AUTS2: variants seen among roughly 807,000 people sequenced by gnomAD.
The protein encoded by AUTS2 is activator of transcription and developmental regulator AUTS2.
Under a neutral mutation model 112.4 loss-of-function variants are expected in AUTS2, and 17 were observed. That is an observed-to-expected ratio of 0.15 (90% CI 0.10 to 0.23). The LOEUF (loss-of-function observed/expected upper bound fraction) is 0.23, where lower values mean the gene tolerates loss of function less well. Among genes scored for constraint, AUTS2 ranks in the 10% least tolerant of loss-of-function variants. The pLI is 1.00. For synonymous variants in AUTS2, 751 were observed against 702.7 expected (o/e 1.07, Z -1.09); for missense variants, 1,510 against 1,701.6 (o/e 0.89, Z 1.98).
At chr7:69,770,719 A>T (rs80012565) in intron 1 of AUTS2, among the ~76,000 whole-genome samples, 1 of 152,292 alleles carries the variant, frequency 6.6e-6, no homozygotes, top group East Asian at 1.9e-4. Flanking sequence ...CTAGAGGACA[A>T]CAGAAGGCTG....
intron 4 of AUTS2, among the ~76,000 whole-genome samples, chr7:70,135,935 C>G (rs549785517): frequency 1.3e-5 from 2 of 152,310 alleles, no homozygotes; most frequent in African/African-American, 4.8e-5. Context: ...TAAAGCCTCC[C>G]CCTTTGCTTT....
At chr7:70,322,731 C>A (rs2129617955) in intron 4 of AUTS2, among the ~76,000 whole-genome samples, 1 of 152,244 alleles carries the variant, frequency 6.6e-6, no homozygotes, top group African/African-American at 2.4e-5. Context: ...AGAGGCAGTC[C>A]AACACAGTGG....
intron 1 of AUTS2, among the ~76,000 whole-genome samples, chr7:69,745,175 C>T (rs1280664279): frequency 3.9e-5 from 6 of 152,302 alleles, no homozygotes; most frequent in South Asian, 2.1e-4. Flanking sequence ...CCTCTCCCTA[C>T]GCCTCGTGTA....
chr7:70,463,601 G>A (rs996282063), intron 5 of AUTS2, among the ~76,000 whole-genome samples: 18 of 152,160 alleles, frequency 1.2e-4, no homozygotes, highest in South Asian at 8.3e-4. Context: ...GACAAGAACC[G>A]CACTTGTCAA....
intron 5 of AUTS2, among the ~76,000 whole-genome samples, chr7:70,589,284 C>G (rs941095933): frequency 6.6e-6 from 1 of 152,170 alleles, no homozygotes; most frequent in South Asian, 2.1e-4. Flanking sequence ...GGGGAACAAA[C>G]GAGAGCCCTC....
At chr7:70,512,545 G>A (rs993904557) in intron 5 of AUTS2, among the ~76,000 whole-genome samples, 4 of 152,114 alleles carry the variant, frequency 2.6e-5, no homozygotes, top group African/African-American at 9.7e-5. Context: ...CCGCTCCTCA[G>A]TAGGAAAACA....
intron 1 of AUTS2, among the ~76,000 whole-genome samples, chr7:69,628,951 G>A (rs1196366841): frequency 1.3e-5 from 2 of 152,166 alleles, no homozygotes; most frequent in African/African-American, 2.4e-5. Flanking sequence ...CAGGATCTAA[G>A]GTCTTTATTG....
chr7:69,681,932 A>G (rs1257377913), intron 1 of AUTS2, among the ~76,000 whole-genome samples: 3 of 152,164 alleles, frequency 2.0e-5, no homozygotes, highest in Admixed American at 6.5e-5. Flanking sequence ...CTGGGTTCAA[A>G]TCCTCCATTT....
chr7:69,878,184 A>G (rs566725536), intron 1 of AUTS2, among the ~76,000 whole-genome samples: 1 of 152,196 alleles, frequency 6.6e-6, no homozygotes, highest in East Asian at 1.9e-4. Context: ...ATATGTGGAC[A>G]TTTCCTGCAT....
Position 69,956,889 on chromosome 7 carries a change from G to A in AUTS2, c.522+57391G>A, listed in dbSNP as rs890020108. Among the ~76,000 whole-genome samples the A allele has an allele frequency of 2.7e-5, 4 of 149,812 alleles. No homozygotes were observed. The South Asian group carries it at 8.6e-4, about 32-fold the overall frequency. ...ATTTTTATTTTTCTTTTGAGACAGGGTCTCATTCCATTGTCCAGGCTGTAA... is the reference window on the plus strand; with the variant it reads ...ATTTTTATTTTTCTTTTGAGACAGGATCTCATTCCATTGTCCAGGCTGTAA... On this transcript the variant is annotated intron_variant, in intron 2 of 18. Transcript: ENST00000342771.
At chr7:70,390,533 C>T (rs1033952006) in intron 4 of AUTS2, among the ~76,000 whole-genome samples, 3 of 151,958 alleles carry the variant, frequency 2.0e-5, no homozygotes, top group African/African-American at 7.2e-5. Flanking sequence ...GAGAATAAAA[C>T]CTGAGGGTGT....
intron 5 of AUTS2, among the ~76,000 whole-genome samples, chr7:70,680,758 A>G (rs1808167031): frequency 6.6e-6 from 1 of 152,222 alleles, no homozygotes; most frequent in Non-Finnish European, 1.5e-5. Context: ...ATAAATTAAA[A>G]GAAAAGCTAC....
rs1374221755 is a variant in AUTS2 at position 70,791,169 on chromosome 7, A to G, written c.*173A>G. 3.3e-6 allele frequency: 2 copies of G among 607,158 alleles called. No homozygotes were observed. Among genetic ancestry groups the G allele is most frequent in the Admixed American group, 8.3e-5 (2 of 24,092 alleles). 37.6% of individuals were successfully genotyped at this position (607,158 alleles called of 1,614,324 possible). ...CATTTTGAAATGTTTTGTATATTAT[A>G]TGTTGAGATTTTTCAGATCTTTTAG... On this transcript the variant is annotated 3_prime_UTR_variant, in exon 19 of 19. Coordinates refer to ENST00000342771, the MANE Select transcript of AUTS2 (RefSeq NM_015570.4).
chr7:69,628,887 C>A (rs1794088909), intron 1 of AUTS2, among the ~76,000 whole-genome samples: 1 of 152,148 alleles, frequency 6.6e-6, no homozygotes. Flanking sequence ...AGTGAGGAAA[C>A]CGAGGCACTG....
chr7:70,097,163 A>G (rs1176644049), intron 2 of AUTS2, among the ~76,000 whole-genome samples: 1 of 152,238 alleles, frequency 6.6e-6, no homozygotes, highest in South Asian at 2.1e-4. Context: ...GAACCTTTAT[A>G]TGAGATTACA....
At chr7:69,835,718 A>G (rs1392818882) in intron 1 of AUTS2, among the ~76,000 whole-genome samples, 2 of 152,228 alleles carry the variant, frequency 1.3e-5, no homozygotes, top group Non-Finnish European at 2.9e-5. Flanking sequence ...TGAAAGGCAC[A>G]TGTCATTAAA....
At chr7:69,680,233 T>C (rs1466511101) in intron 1 of AUTS2, among the ~76,000 whole-genome samples, 1 of 152,262 alleles carries the variant, frequency 6.6e-6, no homozygotes, top group Admixed American at 6.5e-5. Flanking sequence ...TTATGAATAC[T>C]TAAGTATGGT....
At chr7:70,450,118 C>T (rs1477392153) in intron 5 of AUTS2, among the ~76,000 whole-genome samples, 2 of 152,218 alleles carry the variant, frequency 1.3e-5, no homozygotes, top group Non-Finnish European at 2.9e-5. Flanking sequence ...TAGTAACTCA[C>T]TCATAGCTTC....
intron 2 of AUTS2, among the ~76,000 whole-genome samples, chr7:69,981,377 A>T (rs975853374): frequency 5.3e-5 from 8 of 152,236 alleles, no homozygotes; most frequent in Non-Finnish European, 8.8e-5. Flanking sequence ...ACATTCACCC[A>T]TGAGAAGGTA....
Sources: gnomAD v4.1 joint callset for allele counts (sites outside exome capture counted in the v4.1 genomes callset) on GRCh38, gnomAD v4.1.1 for gene constraint, MANE v1.5 for transcripts, NCBI Gene and HGNC (gene_info 2026-07-23, HGNC 2026-07-21) for gene names.